KCTD9: variants seen among roughly 807,000 people sequenced by gnomAD.
The protein encoded by KCTD9 is potassium channel tetramerization domain containing 9.
A neutral mutation model predicts 53.3 loss-of-function variants in KCTD9; 17 were observed. The ratio of observed to expected loss-of-function variants is 0.32; its 90% CI spans 0.22 to 0.48. The LOEUF (loss-of-function observed/expected upper bound fraction) is 0.48, where lower values mean the gene tolerates loss of function less well. Ranked by LOEUF, KCTD9 falls within the 20% of genes least tolerant of loss-of-function variation. The pLI, the probability that KCTD9 is intolerant of heterozygous loss-of-function variation, is 0.99. For missense variants in KCTD9, 179 were observed against 465.5 expected (o/e 0.38, Z 5.66); for synonymous variants, 128 against 162.7 (o/e 0.79, Z 1.62).
At chr8:25,442,304 C>G (rs1387283119) in intron 3 of KCTD9, among the ~76,000 whole-genome samples, 1 of 152,040 alleles carries the variant, frequency 6.6e-6, no homozygotes, top group African/African-American at 2.4e-5. Flanking sequence ...TTTGGGTGAT[C>G]TATGAAAAAT....
At chr8:25,448,566 C>T (rs1005189089) in intron 1 of KCTD9, among the ~76,000 whole-genome samples, 1 of 152,134 alleles carries the variant, frequency 6.6e-6, no homozygotes, top group Non-Finnish European at 1.5e-5. Flanking sequence ...AAAAAAAATA[C>T]TGCAAAGCAC....
In KCTD9 at chr8:25,439,425, TA is replaced by T; in HGVS notation, c.371-19del. On this transcript the variant is annotated intron_variant, in intron 5 of 11. Coordinates refer to ENST00000221200, the MANE Select transcript of KCTD9 (RefSeq NM_017634.4). ...CCAGACACCTGTGTCACCATTATAA[TA>T]AAGAAAGTCCCCCATAAACAAAAAA... 6.3e-7 allele frequency: 1 copy of T among 1,587,206 alleles called. No homozygotes were observed. Among genetic ancestry groups the T allele is most frequent in the Non-Finnish European group, 8.5e-7 (1 of 1,169,844 alleles).
rs755525573 is a variant in KCTD9, at chr8:25,432,643, G to A, written c.920-6C>T. ...CACACCTTTCAGATTAGCACCTACAGTGAACACATTCTGGGAGTAGTTTAA... is the reference window on the plus strand; with the variant it reads ...CACACCTTTCAGATTAGCACCTACAATGAACACATTCTGGGAGTAGTTTAA... On this transcript the variant is annotated splice_region_variant and splice_polypyrimidine_tract_variant and intron_variant, in intron 10 of 11. Coordinates refer to ENST00000221200, the MANE Select transcript of KCTD9 (RefSeq NM_017634.4). 1.2e-6 allele frequency: 2 copies of A among 1,608,136 alleles called. No homozygotes were observed. The highest frequency in any genetic ancestry group is 1.1e-5 in the South Asian group (1 of 89,418).
At chr8:25,449,878 T>C (rs1398577187) in intron 1 of KCTD9, among the ~76,000 whole-genome samples, 1 of 152,080 alleles carries the variant, frequency 6.6e-6, no homozygotes, top group Non-Finnish European at 1.5e-5. Flanking sequence ...GGCTTTCCCA[T>C]GACATAGGAA....
At chr8:25,445,032 GT>G (rs1235617663) in intron 2 of KCTD9, among the ~76,000 whole-genome samples, 10 of 152,120 alleles carry the variant, frequency 6.6e-5, no homozygotes, top group African/African-American at 4.8e-5. Context: ...CAGAGTTCGT[GT>G]TTGTTAAGAA....
chr8:25,438,819 A>C (rs988951155), intron 6 of KCTD9, among the ~76,000 whole-genome samples: 1 of 152,254 alleles, frequency 6.6e-6, no homozygotes, highest in Non-Finnish European at 1.5e-5. Context: ...TCCCTAAGTT[A>C]GCAAGTTGTA....
rs1011684274 is a variant in KCTD9 at position 25,428,928 on chromosome 8, T to G, written c.*929A>C. On this transcript the variant is annotated 3_prime_UTR_variant, in exon 12 of 12. Transcript: ENST00000221200. ...AGTATCTATTTCTAAGCTGGCCCTA[T>G]GTAAACTATTTGGTATTTGAATTAA... 20 of 152,212 alleles carry G rather than the reference T, an allele frequency of 1.3e-4. No homozygotes were observed. The highest frequency in any genetic ancestry group is 2.2e-4 in the Non-Finnish European group (15 of 68,038). 9.4% of individuals were successfully genotyped at this position (152,212 alleles called of 1,614,324 possible).
intron 6 of KCTD9, 31 bp from the exon 7 acceptor site, chr8:25,436,516 C>T (rs1028542771): frequency 7.6e-7 from 1 of 1,317,570 alleles, no homozygotes; most frequent in East Asian, 2.3e-5. Flanking sequence ...CTGAAACAAC[C>T]TAATTTAGTG....
At chr8:25,447,014 T>C (rs925217273) in intron 1 of KCTD9, among the ~76,000 whole-genome samples, 7 of 152,246 alleles carry the variant, frequency 4.6e-5, no homozygotes, top group African/African-American at 9.6e-5. Flanking sequence ...TTTTGTGCCC[T>C]GGTCCTAACT....
chr8:25,444,432 A>G, intron 2 of KCTD9, 97 bp from the exon 3 acceptor site: 1 of 1,173,142 alleles, frequency 8.5e-7, no homozygotes, highest in Non-Finnish European at 1.2e-6. Flanking sequence ...TTATATAGAC[A>G]ATAGGTTTTG....
At chr8:25,433,282 TACAG>T in intron 10 of KCTD9, 44 bp downstream of exon 10, 1 of 1,071,354 alleles carries the variant, frequency 9.3e-7, no homozygotes, top group Admixed American at 2.0e-5. Flanking sequence ...TTTTTTCCTT[TACAG>T]TCTGCTTCCT....
chr8:25,453,501 A>G (rs1055277159), intron 1 of KCTD9, among the ~76,000 whole-genome samples: 1 of 151,504 alleles, frequency 6.6e-6, no homozygotes, highest in Admixed American at 6.6e-5. Flanking sequence ...TAAAAACACA[A>G]AAATAGCCAG....
At chr8:25,447,247 G>A (rs1802230332) in intron 1 of KCTD9, among the ~76,000 whole-genome samples, 1 of 152,104 alleles carries the variant, frequency 6.6e-6, no homozygotes, top group East Asian at 1.9e-4. Context: ...ACAAAAATCA[G>A]CCAGGTGTGG....
chr8:25,450,160 G>A (rs1446871973), intron 1 of KCTD9, among the ~76,000 whole-genome samples: 1 of 152,078 alleles, frequency 6.6e-6, no homozygotes. Context: ...TCCTAATAAG[G>A]TATCAAAAAC....
intron 9 of KCTD9, 59 bp from the exon 10 acceptor site, chr8:25,433,494 C>A: frequency 1.2e-6 from 1 of 867,938 alleles, no homozygotes; most frequent in South Asian, 2.1e-5. Context: ...CAAATTAGCT[C>A]AAACAGTAAA....
rs1413652097 is a variant in KCTD9, at chr8:25,432,656, G to T, written c.920-19C>A. The T allele has an allele frequency of 6.3e-7, 1 of 1,596,016 alleles. No homozygotes were observed. The highest frequency in any genetic ancestry group is 8.5e-7 in the Non-Finnish European group (1 of 1,172,714). On this transcript the variant is annotated intron_variant, in intron 10 of 11. Transcript: ENST00000221200. ...TTAGCACCTACAGTGAACACATTCTGGGAGTAGTTTAACTTAAAAATATAG... is the reference window on the plus strand; with the variant it reads ...TTAGCACCTACAGTGAACACATTCTTGGAGTAGTTTAACTTAAAAATATAG...
chr8:25,449,837 A>C (rs76289577), intron 1 of KCTD9, among the ~76,000 whole-genome samples: 8,544 of 134,414 alleles, frequency 0.064, 755 homozygotes, highest in African/African-American at 0.22. Flanking sequence ...AAAAATGAAG[A>C]AAAAAAAACA....
At chr8:25,436,386 T>G (rs1479989193) in intron 7 of KCTD9, 32 bp downstream of exon 7, 1 of 1,599,712 alleles carries the variant, frequency 6.3e-7, no homozygotes, top group South Asian at 1.1e-5. Context: ...CTACAATGAA[T>G]GTAACACTGG....
intron 11 of KCTD9, among the ~76,000 whole-genome samples, chr8:25,431,953 T>C (rs774163758): frequency 1.2e-4 from 19 of 152,282 alleles, no homozygotes; most frequent in Non-Finnish European, 2.5e-4. Flanking sequence ...GCTCAATAGC[T>C]ATATATGGGT....
Sources: gnomAD v4.1 joint callset for allele counts (sites outside exome capture counted in the v4.1 genomes callset) on GRCh38, gnomAD v4.1.1 for gene constraint, MANE v1.5 for transcripts, NCBI Gene and HGNC (gene_info 2026-07-23, HGNC 2026-07-21) for gene names.